The following PRKN variants were observed in gnomAD, a reference collection of about 807,000 sequenced individuals.
PRKN encodes the protein parkin RBR E3 ubiquitin protein ligase.
A neutral mutation model predicts 59.5 loss-of-function variants in PRKN; 56 were observed. That is an observed-to-expected ratio of 0.94 (90% CI 0.76 to 1.18). The LOEUF is 1.18. PRKN is among the 50% of genes most tolerant of loss of function. PRKN has a pLI of 0.00. For synonymous variants in PRKN, 250 were observed against 222.1 expected, an observed-to-expected ratio of 1.13 and a Z score of -1.12; for missense variants, 657 against 596.4, an observed-to-expected ratio of 1.10 and a Z score of -1.06.
At chr6:161,501,106 C>A (rs974697052) in intron 9 of PRKN, among the ~76,000 whole-genome samples, 1 of 152,124 alleles carries the variant, frequency 6.6e-6, no homozygotes, top group Non-Finnish European at 1.5e-5. Context: ...AACTCCTGAC[C>A]TCGTGATCTG....
intron 2 of PRKN, among the ~76,000 whole-genome samples, chr6:162,285,582 A>G (rs1196273534): frequency 1.3e-5 from 2 of 152,220 alleles, no homozygotes; most frequent in East Asian, 1.9e-4. Flanking sequence ...GAATATCAGT[A>G]ATAACTCTCA....
chr6:162,376,734 G>A (rs1583463186), intron 2 of PRKN, among the ~76,000 whole-genome samples: 1 of 137,598 alleles, frequency 7.3e-6, no homozygotes, highest in Non-Finnish European at 1.6e-5. Context: ...GGAGAGGGAG[G>A]GAGTGGGAGA....
chr6:161,614,399 A>C (rs1307374243), intron 7 of PRKN, among the ~76,000 whole-genome samples: 3 of 152,248 alleles, frequency 2.0e-5, no homozygotes, highest in African/African-American at 7.2e-5. Context: ...AACAAAGAGA[A>C]ACAGATTTGA....
At position 161,475,848 on chromosome 6, in the gene PRKN, C is replaced by G. The variant is rs1037968122; in HGVS notation, c.1083+73006G>C. 5.3e-5 allele frequency among the ~76,000 whole-genome samples: 8 copies of G among 152,008 alleles called. No individual in the cohort carries two copies. Among genetic ancestry groups the G allele is most frequent in the African/African-American group, 1.9e-4 (8 of 41,382 alleles). ...GAATTTCTTTTTATTACTCTGATAA[C>G]TGCATTTTCCTTTCAATCTTATATA... On this transcript the variant is annotated intron_variant, in intron 9 of 11. Transcript: ENST00000366898. The surrounding 1 kb of genome is among the most constrained non-coding windows in gnomAD (Gnocchi z 5.3).
intron 1 of PRKN, among the ~76,000 whole-genome samples, chr6:162,652,306 G>A (rs1778474720): frequency 6.6e-6 from 1 of 152,118 alleles, no homozygotes; most frequent in East Asian, 1.9e-4. Context: ...ATGTCATAGC[G>A]ATCTTCTCAG....
intron 10 of PRKN, among the ~76,000 whole-genome samples, chr6:161,383,763 C>T (rs1250467747): frequency 6.6e-6 from 1 of 152,196 alleles, no homozygotes; most frequent in Non-Finnish European, 1.5e-5. Context: ...CAGCCCGCCT[C>T]TGCAGGTCAT....
At chr6:161,756,194 C>T (rs1788909428) in intron 7 of PRKN, among the ~76,000 whole-genome samples, 1 of 152,100 alleles carries the variant, frequency 6.6e-6, no homozygotes, top group African/African-American at 2.4e-5. Flanking sequence ...GTAACTCCAG[C>T]ACTTTGGGAG....
intron 2 of PRKN, among the ~76,000 whole-genome samples, chr6:162,304,527 CTATCTATCTATCTATCTATT>C (rs1393070834): frequency 4.2e-4 from 50 of 119,722 alleles, no homozygotes; most frequent in South Asian, 6.0e-4. Context: ...ATCTATCTAT[CTATCTATCTATCTATCTATT>C]TATCCATCTG....
intron 6 of PRKN, among the ~76,000 whole-genome samples, chr6:161,798,953 G>A (rs3019425): frequency 0.85 from 129,559 of 152,144 alleles, 56,098 homozygotes; most frequent in East Asian, 0.95. Flanking sequence ...ACAGGTCCCC[G>A]GGGTACTCAC....
In PRKN at chr6:161,376,438, A is replaced by G. The variant is rs1310304367; in HGVS notation, c.1167+10356T>C. On this transcript the variant is annotated intron_variant, in intron 10 of 11. Coordinates refer to ENST00000366898, the MANE Select transcript of PRKN (RefSeq NM_004562.3). The surrounding 1 kb of genome is among the most constrained non-coding windows in gnomAD (Gnocchi z 7.3). ...GCACCACCATCGTTCTAAGCTAGACATTCATGCATCAACATTAACCCGTCT... is the reference window on the plus strand; with the variant it reads ...GCACCACCATCGTTCTAAGCTAGACGTTCATGCATCAACATTAACCCGTCT... Among the ~76,000 whole-genome samples, 1 of 152,150 alleles carries G rather than the reference A, an allele frequency of 6.6e-6. No homozygotes were observed. Among genetic ancestry groups the G allele is most frequent in the Non-Finnish European group, 1.5e-5 (1 of 68,028 alleles).
intron 4 of PRKN, among the ~76,000 whole-genome samples, chr6:162,107,869 T>A (rs1780259961): frequency 6.6e-6 from 1 of 152,158 alleles, no homozygotes. Context: ...AACACCAGTC[T>A]TTGACTTTTT....
chr6:161,659,956 G>A (rs561581085), intron 7 of PRKN, among the ~76,000 whole-genome samples: 205 of 152,204 alleles, frequency 1.3e-3, no homozygotes, highest in Non-Finnish European at 1.9e-3. Context: ...GTAGGGAGGG[G>A]TACTGGTTAT....
In PRKN at chr6:161,502,403, G is replaced by C. The variant is rs1777996259; in HGVS notation, c.1083+46451C>G. Among the ~76,000 whole-genome samples, 1 of 152,138 alleles carries C rather than the reference G, an allele frequency of 6.6e-6. No homozygotes were observed. Among genetic ancestry groups the C allele is most frequent in the African/African-American group, 2.4e-5 (1 of 41,428 alleles). On this transcript the variant is annotated intron_variant, in intron 9 of 11. Coordinates refer to ENST00000366898, the MANE Select transcript of PRKN (RefSeq NM_004562.3). This position sits in a 1 kb window ranked among gnomAD's most constrained non-coding sequence, Gnocchi z 4.0. ...AGAGCTTCTAGAAGTAAACATGACT[G>C]ATGGTAAAGGACCCCTTCTAACCAA...
At chr6:161,741,626 G>A (rs35621098) in intron 7 of PRKN, among the ~76,000 whole-genome samples, 2,602 of 152,198 alleles carry the variant, frequency 0.017, 44 homozygotes, top group Non-Finnish European at 0.024. Context: ...CCATGGATGA[G>A]GCCTGGGCAG....
At chr6:162,437,432 C>G (rs1180123962) in intron 2 of PRKN, among the ~76,000 whole-genome samples, 8 of 152,054 alleles carry the variant, frequency 5.3e-5, no homozygotes, top group African/African-American at 1.7e-4. Context: ...AAGATGCCAG[C>G]TACCTTTTCC....
Position 161,546,642 on chromosome 6 carries a change from G to A in PRKN, c.1083+2212C>T, listed in dbSNP as rs565122661. 8.6e-5 allele frequency among the ~76,000 whole-genome samples: 13 copies of A among 151,644 alleles called. No individual in the cohort carries two copies. Among genetic ancestry groups the A allele is most frequent in the African/African-American group, 2.7e-4 (11 of 41,324 alleles). ...TGCAAACTGTGGTGGTTTAAAATAC[G>A]TTCATAAATTCTTTGACACTCTTTA... On this transcript the variant is annotated intron_variant, in intron 9 of 11. Coordinates refer to ENST00000366898, the MANE Select transcript of PRKN (RefSeq NM_004562.3). The surrounding 1 kb of genome is among the most constrained non-coding windows in gnomAD (Gnocchi z 4.4).
chr6:161,382,115 A>AG (rs1243085119), intron 10 of PRKN, among the ~76,000 whole-genome samples: 1 of 149,006 alleles, frequency 6.7e-6, no homozygotes, highest in African/African-American at 2.5e-5. Context: ...CCATCTCAAA[A>AG]AAAAAAAAAA....
intron 2 of PRKN, among the ~76,000 whole-genome samples, chr6:162,379,589 C>T (rs565517007): frequency 6.6e-5 from 10 of 152,228 alleles, no homozygotes; most frequent in African/African-American, 2.2e-4. Context: ...TGATCCCATC[C>T]GACACCTCCC....
intron 3 of PRKN, among the ~76,000 whole-genome samples, chr6:162,213,751 T>A (rs1257164454): frequency 9.7e-5 from 14 of 144,698 alleles, no homozygotes; most frequent in East Asian, 4.0e-4. Context: ...ATAAAAAAAA[T>A]GTATATTTTG....
Sources: allele counts gnomAD v4.1 joint callset (sites outside exome capture counted in the v4.1 genomes callset), GRCh38; gene constraint gnomAD v4.1.1; non-coding constraint Gnocchi (gnomAD v3.1); transcripts MANE v1.5; gene names NCBI Gene and HGNC (gene_info 2026-07-23, HGNC 2026-07-21).